Variants in BRIP1 observed in about 807,000 individuals in gnomAD.
The protein encoded by BRIP1 is Fanconi anemia group J protein.
In BRIP1, 88 loss-of-function variants were observed where a neutral mutation model predicts 119.7. The ratio of observed to expected loss-of-function variants is 0.74; its 90% CI spans 0.62 to 0.88. The LOEUF is 0.88. BRIP1 is among the 40% of genes least tolerant of loss of function. The pLI is 0.00. For missense variants in BRIP1, 1,259 were observed against 1,455.4 expected (o/e 0.87, Z 2.20); for synonymous variants, 443 against 496.5 (o/e 0.89, Z 1.43).
intron 6 of BRIP1, among the ~76,000 whole-genome samples, chr17:61,833,294 A>G (rs2078519733): frequency 1.3e-5 from 2 of 152,226 alleles, no homozygotes; most frequent in South Asian, 4.1e-4. Context: ...TTCACTCAAT[A>G]TGATAAAGAA....
rs76294039 is a variant in BRIP1 at position 61,736,059 on chromosome 17, C to T, written c.2379+6954G>A. 1.0e-3 allele frequency among the ~76,000 whole-genome samples: 155 copies of T among 152,174 alleles called. No individual in the cohort carries two copies. In the East Asian group the frequency reaches 0.028, roughly 27 times the overall value. On this transcript the variant is annotated intron_variant, in intron 16 of 19. Transcript: ENST00000259008. This position sits in a 1 kb window ranked among gnomAD's most constrained non-coding sequence, Gnocchi z 4.4. ...AACTAATACAGGCTGGGCATGATGG[C>T]TCACACCTATAATCCCAGCACTTTG... is the stretch of plus-strand genomic sequence containing the variant.
chr17:61,842,561 A>ATGG lies in BRIP1; in HGVS notation c.627+4539_627+4540insCCA, dbSNP rs1197365633. On this transcript the variant is annotated intron_variant, in intron 6 of 19. Coordinates refer to ENST00000259008, the MANE Select transcript of BRIP1 (RefSeq NM_032043.3). This position sits in a 1 kb window ranked among gnomAD's most constrained non-coding sequence, Gnocchi z 5.1. Reference sequence around the variant, plus strand: ...GAAAATTATCACACTGAATCCCATAAGTATGTATAATTATTATGTGTCAAC... The same window carrying ATGG: ...GAAAATTATCACACTGAATCCCATAATGGGTATGTATAATTATTATGTGTCAAC... 1.3e-5 allele frequency among the ~76,000 whole-genome samples: 2 copies of ATGG among 152,354 alleles called. No individual in the cohort carries two copies. The highest frequency in any genetic ancestry group is 3.9e-4 in the East Asian group (2 of 5,190).
Position 61,693,533 on chromosome 17 carries a change from G to A in BRIP1, c.2493-21C>T, listed in dbSNP as rs111406863. 63 of 1,573,344 alleles carry A rather than the reference G, an allele frequency of 4.0e-5. No homozygotes were observed. The African/African-American group carries it at 7.3e-4, about 18-fold the overall frequency. On this transcript the variant is annotated intron_variant, in intron 17 of 19. Coordinates refer to ENST00000259008, the MANE Select transcript of BRIP1 (RefSeq NM_032043.3). The surrounding 1 kb of genome is among the most constrained non-coding windows in gnomAD (Gnocchi z 4.2). Reference sequence around the variant, plus strand: ...TACATCTAGAAAAAATAGGGAAAAAGTCAAATAATTATAACATCGGAAATA... The same window carrying A: ...TACATCTAGAAAAAATAGGGAAAAAATCAAATAATTATAACATCGGAAATA...
At chr17:61,765,372 GTA>G (rs1200404814) in intron 14 of BRIP1, among the ~76,000 whole-genome samples, 2 of 61,552 alleles carry the variant, frequency 3.2e-5, no homozygotes, top group Non-Finnish European at 5.7e-5. Flanking sequence ...GTGTGTGTGT[GTA>G]TATATTATAT....
intron 2 of BRIP1, 71 bp from the exon 3 acceptor site, chr17:61,859,978 T>A: frequency 9.4e-7 from 1 of 1,061,072 alleles, no homozygotes; most frequent in Non-Finnish European, 1.4e-6. Context: ...ATCTGAAGTT[T>A]AAATAGAACA....
At position 61,784,166 on chromosome 17, in the gene BRIP1, A is replaced by G. The variant is rs186395803; in HGVS notation, c.1628+104T>C. ...ATAATATCTATAACACTTGTTTTCA[A>G]TTCTCCTATTTACTCACCCAAAATA... On this transcript the variant is annotated intron_variant, in intron 11 of 19. Transcript: ENST00000259008. 985 of 994,398 alleles carry G rather than the reference A, an allele frequency of 9.9e-4. 10 individuals are homozygous for G. Among genetic ancestry groups the G allele is most frequent in the Non-Finnish European group, 1.4e-4 (89 of 651,204 alleles). The allele number at this position is 994,398 out of a possible 1,614,324, so 61.6% of individuals were successfully genotyped here.
At chr17:61,786,125 A>C (rs1214886650) in intron 10 of BRIP1, among the ~76,000 whole-genome samples, 1 of 152,054 alleles carries the variant, frequency 6.6e-6, no homozygotes, top group African/African-American at 2.4e-5. Context: ...GGCAGAATAG[A>C]GAGTGAAGAG....
In BRIP1 at chr17:61,708,008, G is replaced by A. The variant is rs562175641; in HGVS notation, c.2492+7943C>T. On this transcript the variant is annotated intron_variant, in intron 17 of 19. Coordinates refer to ENST00000259008, the MANE Select transcript of BRIP1 (RefSeq NM_032043.3). This position sits in a 1 kb window ranked among gnomAD's most constrained non-coding sequence, Gnocchi z 4.4. ...ATTACAGGCGTGCGCCACCATACCT[G>A]GCTAATTTTTGTATTTTTAGTAGAG... 2.6e-5 allele frequency among the ~76,000 whole-genome samples: 4 copies of A among 152,140 alleles called. No individual in the cohort carries two copies. The highest frequency in any genetic ancestry group is 1.3e-4 in the Admixed American group (2 of 15,278).
intron 16 of BRIP1, among the ~76,000 whole-genome samples, chr17:61,718,618 C>T (rs146128976): frequency 3.9e-5 from 6 of 152,340 alleles, no homozygotes; most frequent in East Asian, 3.9e-4. Context: ...CTAGCTGCCA[C>T]GGACTTTCCC....
intron 14 of BRIP1, among the ~76,000 whole-genome samples, chr17:61,765,521 C>T (rs560003294): frequency 2.2e-5 from 3 of 138,248 alleles, no homozygotes; most frequent in South Asian, 4.7e-4. Context: ...CTGCAACCTC[C>T]GCCTCCTGGA....
chr17:61,784,282 C>T lies in BRIP1; in HGVS notation c.1616G>A (p.Arg539Lys), dbSNP rs199616792. Residue 539 changes from arginine (R) to lysine (K), a missense_variant, in exon 11 of 20, where the codon AGG (arginine) becomes AAG (lysine). By Grantham distance (26) the Arg-to-Lys change is conservative. Transcript: ENST00000259008. ...TATCTTCACTTACCTGCTATTTTGC[C>T]TAAAAAGATAGTCAAGTACCATAAA... ...GLFMVLDYLF[R>K]QNSRFADDYK... 1.2e-6 allele frequency: 2 copies of T among 1,612,524 alleles called. No individual in the cohort carries two copies. Among genetic ancestry groups the T allele is most frequent in the African/African-American group, 1.3e-5 (1 of 74,962 alleles).
At chr17:61,692,437 A>T in intron 18 of BRIP1, among the ~76,000 whole-genome samples, 1 of 152,194 alleles carries the variant, frequency 6.6e-6, no homozygotes, top group Admixed American at 6.5e-5. Flanking sequence ...CCCAAAATAT[A>T]TAAGAAACTC....
rs140334091 is a variant in BRIP1, at chr17:61,751,957, C to T, written c.2098-7366G>A. On this transcript the variant is annotated intron_variant, in intron 14 of 19. Coordinates refer to ENST00000259008, the MANE Select transcript of BRIP1 (RefSeq NM_032043.3). This position sits in a 1 kb window ranked among gnomAD's most constrained non-coding sequence, Gnocchi z 6.7. Reference sequence around the variant, plus strand: ...CTAATTTTTGTATTTTTAGTAGAGACGGGGTTTCACCATATTGGTCAGGCT... The same window carrying T: ...CTAATTTTTGTATTTTTAGTAGAGATGGGGTTTCACCATATTGGTCAGGCT... Among the ~76,000 whole-genome samples the T allele has an allele frequency of 3.9e-5, 6 of 152,000 alleles. No individual in the cohort carries two copies. The highest frequency in any genetic ancestry group is 1.2e-4 in the African/African-American group (5 of 41,456).
Position 61,729,866 on chromosome 17 carries a change from G to C in BRIP1, c.2379+13147C>G, listed in dbSNP as rs986734835. Among the ~76,000 whole-genome samples the C allele has an allele frequency of 4.4e-4, 67 of 152,170 alleles. No homozygotes were observed. The highest frequency in any genetic ancestry group is 1.6e-3 in the African/African-American group (67 of 41,502). On this transcript the variant is annotated intron_variant, in intron 16 of 19. Coordinates refer to ENST00000259008, the MANE Select transcript of BRIP1 (RefSeq NM_032043.3). The surrounding 1 kb of genome is among the most constrained non-coding windows in gnomAD (Gnocchi z 5.6). ...ACAACTGGTGGCAGGGTGACCGTGG[G>C]GGGTGTCTAGATCCCACTACCGGCA...
Position 61,684,202 on chromosome 17 carries a change from T to C in BRIP1, c.2906-62A>G, listed in dbSNP as rs1298811362. ...CTCCTAGCTAACATAATTGCTAGGT[T>C]AAAATAATTATTTATTAGAAATACC... On this transcript the variant is annotated intron_variant, in intron 19 of 19. Transcript: ENST00000259008. The surrounding 1 kb of genome is among the most constrained non-coding windows in gnomAD (Gnocchi z 4.5). The C allele has an allele frequency of 3.2e-6, 5 of 1,538,886 alleles. No homozygotes were observed. In the African/African-American group the frequency reaches 5.5e-5, roughly 17 times the overall value.
At chr17:61,786,205 T>C (rs1036936518) in intron 10 of BRIP1, among the ~76,000 whole-genome samples, 2 of 151,880 alleles carry the variant, frequency 1.3e-5, no homozygotes, top group African/African-American at 4.8e-5. Context: ...AGCGTGTGTG[T>C]GTGTGTGTGA....
In BRIP1 at chr17:61,681,680, A is replaced by G; in HGVS notation, c.*1616T>C. On this transcript the variant is annotated 3_prime_UTR_variant, in exon 20 of 20. Coordinates refer to ENST00000259008, the MANE Select transcript of BRIP1 (RefSeq NM_032043.3). The surrounding 1 kb of genome is among the most constrained non-coding windows in gnomAD (Gnocchi z 5.1). ...TGATCAACTAGAAAAAATATATAAT[A>G]CTAGATGGGATCTAATATATTCTAA... 7 of 198,242 alleles carry G rather than the reference A, an allele frequency of 3.5e-5. 1 individual carries two copies. The highest frequency in any genetic ancestry group is 1.6e-4 in the African/African-American group (7 of 43,516). The allele number at this position is 198,242 out of a possible 1,614,324, so 12.3% of individuals were successfully genotyped here. A position where few individuals can be genotyped will look rare whatever the true frequency, so the allele number is the denominator to read the frequency against.
chr17:61,789,073 T>C lies in BRIP1; in HGVS notation c.1473+4524A>G, dbSNP rs531547518. Among the ~76,000 whole-genome samples the C allele has an allele frequency of 1.2e-4, 18 of 152,072 alleles. No homozygotes were observed. Among genetic ancestry groups the C allele is most frequent in the Non-Finnish European group, 2.1e-4 (14 of 67,946 alleles). On this transcript the variant is annotated intron_variant, in intron 10 of 19. Coordinates refer to ENST00000259008, the MANE Select transcript of BRIP1 (RefSeq NM_032043.3). This position sits in a 1 kb window ranked among gnomAD's most constrained non-coding sequence, Gnocchi z 4.8. Reference sequence around the variant, plus strand: ...TCACACCACTGCACTCCAGCCTGGTTAACAGAGTGAGATTCTGTCTCAAAA... The same window carrying C: ...TCACACCACTGCACTCCAGCCTGGTCAACAGAGTGAGATTCTGTCTCAAAA...
At position 61,684,021 on chromosome 17, in the gene BRIP1, C is replaced by G. The variant is rs587781328; in HGVS notation, c.3025G>C (p.Gly1009Arg). The change falls in exon 20 of 20, where the codon GGA becomes CGA. Residue 1009 changes from glycine (G) to arginine (R), a missense_variant. Coordinates refer to ENST00000259008, the MANE Select transcript of BRIP1 (RefSeq NM_032043.3). This position sits in a 1 kb window ranked among gnomAD's most constrained non-coding sequence, Gnocchi z 4.5. ...GGTATTTTACCAGTAAAATACTGTC[C>G]CAAAGAATTAAAGCTTGACCAGCTA... is the stretch of plus-strand genomic sequence containing the variant. Reference protein sequence around the residue: ...RVSWSSFNSLGQYFTGKIPKA... With the variant: ...RVSWSSFNSLRQYFTGKIPKA... 1.2e-6 allele frequency: 2 copies of G among 1,613,938 alleles called. No homozygotes were observed. Among genetic ancestry groups the G allele is most frequent in the South Asian group, 1.1e-5 (1 of 91,064 alleles).
Sources: allele counts gnomAD v4.1 joint callset (sites outside exome capture counted in the v4.1 genomes callset), GRCh38; gene constraint gnomAD v4.1.1; non-coding constraint Gnocchi (gnomAD v3.1); transcripts MANE v1.5; gene names NCBI Gene and HGNC (gene_info 2026-07-23, HGNC 2026-07-21).